DNMT3A: variants seen among roughly 807,000 people sequenced by gnomAD.
DNMT3A encodes the protein DNA (cytosine-5)-methyltransferase 3A.
DNMT3A carries 267 observed loss-of-function variants against 117.6 expected under a neutral mutation model. That is an observed-to-expected ratio of 2.27 (90% confidence interval 2.05 to 2.51). DNMT3A has a LOEUF of 2.51. Among genes scored for constraint, DNMT3A ranks in the 30% most tolerant of loss-of-function variants. DNMT3A has a pLI of 0.00. For missense variants in DNMT3A, 1,029 were observed against 1,260.2 expected, an observed-to-expected ratio of 0.82 and a Z score of 2.78; for synonymous variants, 432 against 474.8, an observed-to-expected ratio of 0.91 and a Z score of 1.17.
At chr2:25,323,066 T>A (rs2034657235) in intron 1 of DNMT3A, among the ~76,000 whole-genome samples, 2 of 152,072 alleles carry the variant, frequency 1.3e-5, no homozygotes, top group African/African-American at 4.8e-5. Flanking sequence ...AAGGTTTTCG[T>A]TGTGCCTGTG....
At position 25,247,147 on chromosome 2, in the gene DNMT3A, C is replaced by T. The variant is rs1294376300; in HGVS notation, c.1026G>A (p.Glu342=). The change falls in exon 9 of 23, where the codon GAG becomes GAA. Residue 342 remains glutamate (E), a synonymous_variant. Transcript: ENST00000321117. This position sits in a 1 kb window ranked among gnomAD's most constrained non-coding sequence, Gnocchi z 5.6. ...GDGKFSVVCV[E]KLMPLSSFCS... Reference sequence around the variant, plus strand: ...AAAACGAGCTCAGCGGCATCAGCTTCTCAACACACACCTGGGGGGACAAGC... The same window carrying T: ...AAAACGAGCTCAGCGGCATCAGCTTTTCAACACACACCTGGGGGGACAAGC... The T allele has an allele frequency of 6.2e-7, 1 of 1,614,018 alleles. No homozygotes were observed. Among genetic ancestry groups the T allele is most frequent in the South Asian group, 1.1e-5 (1 of 91,046 alleles).
At chr2:25,271,297 T>C (rs919607350) in intron 6 of DNMT3A, among the ~76,000 whole-genome samples, 4 of 151,800 alleles carry the variant, frequency 2.6e-5, no homozygotes, top group African/African-American at 7.3e-5. Context: ...CAGTGAGCCA[T>C]TGCACTCCAG....
Position 25,293,402 on chromosome 2 carries a change from C to T in DNMT3A, c.177+6737G>A, listed in dbSNP as rs939510009. ...TCACGTCATATCCGCCTCCTCACAACCTTCCAGATAACACATTTTTCAGAG... is the reference window on the plus strand; with the variant it reads ...TCACGTCATATCCGCCTCCTCACAATCTTCCAGATAACACATTTTTCAGAG... On this transcript the variant is annotated intron_variant, in intron 3 of 22. Coordinates refer to ENST00000321117, the MANE Select transcript of DNMT3A (RefSeq NM_022552.5). This position sits in a 1 kb window ranked among gnomAD's most constrained non-coding sequence, Gnocchi z 4.7. Among the ~76,000 whole-genome samples, 1 of 152,228 alleles carries T rather than the reference C, an allele frequency of 6.6e-6. No individual in the cohort carries two copies. Among genetic ancestry groups the T allele is most frequent in the Admixed American group, 6.5e-5 (1 of 15,286 alleles).
rs1674509817 is a variant in DNMT3A, at chr2:25,244,598, A to T, written c.1609T>A (p.Cys537Ser). ...TCACGGCCCCCACAGCAGATGGTGC[A>T]GTAGGACTGGTAGCCGTCGTCGTCG... ...QYDDDGYQSYCTICCGGREVL... is the reference protein window; with the variant it reads ...QYDDDGYQSYSTICCGGREVL... Residue 537 changes from cysteine (C) to serine (S), a missense_variant, in exon 14 of 23, where the codon TGC becomes AGC. Transcript: ENST00000321117. The T allele has an allele frequency of 1.9e-6, 3 of 1,614,212 alleles. No homozygotes were observed. The highest frequency in any genetic ancestry group is 1.7e-6 in the Non-Finnish European group (2 of 1,180,008).
chr2:25,264,132 G>GTTTTTTTTTT lies in DNMT3A; in HGVS notation c.639+10799_639+10808dup, dbSNP rs1175186554. ...TCAGTAAAGGCTGGACAACCCTTTG[G>GTTTTTTTTTT]TTTTTTTTTTTTTTTTTTTTTTTTT... On this transcript the variant is annotated intron_variant, in intron 6 of 22. Transcript: ENST00000321117. 8.5e-4 allele frequency among the ~76,000 whole-genome samples: 63 copies of GTTTTTTTTTT among 73,752 alleles called. 9 individuals are homozygous for GTTTTTTTTTT. The highest frequency in any genetic ancestry group is 2.2e-3 in the African/African-American group (40 of 18,120). 48.4% of individuals were successfully genotyped at this position (73,752 alleles called of 152,430 possible).
At chr2:25,326,894 G>A (rs2034809264) in intron 1 of DNMT3A, among the ~76,000 whole-genome samples, 1 of 152,194 alleles carries the variant, frequency 6.6e-6, no homozygotes. Context: ...CACTCCCCTG[G>A]GAAAACGTAG....
intron 4 of DNMT3A, among the ~76,000 whole-genome samples, chr2:25,278,396 A>C (rs1021015159): frequency 1.3e-5 from 2 of 152,256 alleles, no homozygotes; most frequent in Non-Finnish European, 2.9e-5. Context: ...CACTGGCCTG[A>C]AAAGGGGCCC....
rs150277035 is a variant in DNMT3A at position 25,282,124 on chromosome 2, G to T, written c.448+317C>A. 1 of 1,143,816 alleles carries T rather than the reference G, an allele frequency of 8.7e-7. No individual in the cohort carries two copies. The highest frequency in any genetic ancestry group is 2.2e-5 in the South Asian group (1 of 44,536). The allele number at this position is 1,143,816 out of a possible 1,614,324, so 70.9% of individuals were successfully genotyped here. A position where few individuals can be genotyped will look rare whatever the true frequency, so the allele number is the denominator to read the frequency against. ...TTATCCCAGTCTAGCAATCGTTGGC[G>T]TTATGAAAGCCCGCTGTTGCCAGAT... On this transcript the variant is annotated intron_variant, in intron 4 of 22. Transcript: ENST00000321117. The surrounding 1 kb of genome is among the most constrained non-coding windows in gnomAD (Gnocchi z 5.2).
intron 6 of DNMT3A, among the ~76,000 whole-genome samples, chr2:25,251,375 G>T (rs866098607): frequency 1.3e-5 from 2 of 151,906 alleles, no homozygotes; most frequent in East Asian, 3.9e-4. Flanking sequence ...CCCCAGGGGG[G>T]CGGAGAAACC....
chr2:25,325,582 C>T (rs574906528), intron 1 of DNMT3A, among the ~76,000 whole-genome samples: 1 of 152,192 alleles, frequency 6.6e-6, no homozygotes, highest in Non-Finnish European at 1.5e-5. Flanking sequence ...GGATGCTGAC[C>T]TCGTCCTCGG....
chr2:25,284,755 A>G (rs567429140), intron 3 of DNMT3A, among the ~76,000 whole-genome samples: 1 of 151,338 alleles, frequency 6.6e-6, no homozygotes, highest in East Asian at 1.9e-4. Context: ...CTCTCCCCTA[A>G]GGTACCCATT....
chr2:25,259,828 A>G (rs1227431085), intron 6 of DNMT3A, among the ~76,000 whole-genome samples: 1 of 151,988 alleles, frequency 6.6e-6, no homozygotes, highest in Non-Finnish European at 1.5e-5. Context: ...CAAAGAGAAG[A>G]CTCCAGAGGA....
In DNMT3A at chr2:25,300,227, T is replaced by C. The variant is rs143730975; in HGVS notation, c.89A>G (p.Glu30Gly). 1.2e-6 allele frequency: 2 copies of C among 1,608,400 alleles called. No individual in the cohort carries two copies. Residue 30 changes from glutamate (E) to glycine (G), a missense_variant, in exon 3 of 23, where the codon GAG (glutamate) becomes GGG (glycine). Coordinates refer to ENST00000321117, the MANE Select transcript of DNMT3A (RefSeq NM_022552.5). ...EEDRKDGEEQ[E>G]EPRGKEERQE... The stretch of plus-strand genomic sequence containing the variant: ...GCGCTCCTCCTTGCCACGCGGCTCC[T>C]CCTGCTCCTCTCCGTCCTGCAGGCA...
At chr2:25,275,790 G>A (rs992654180) in intron 4 of DNMT3A, among the ~76,000 whole-genome samples, 3 of 152,216 alleles carry the variant, frequency 2.0e-5, no homozygotes, top group South Asian at 2.1e-4. Flanking sequence ...CCAGGCAAGA[G>A]GGAACACGAG....
chr2:25,285,846 C>T (rs897935657), intron 3 of DNMT3A, among the ~76,000 whole-genome samples: 2 of 152,190 alleles, frequency 1.3e-5, no homozygotes, highest in Non-Finnish European at 2.9e-5. Flanking sequence ...GTCATGAGCC[C>T]CAGCAGCCTG....
intron 1 of DNMT3A, among the ~76,000 whole-genome samples, chr2:25,335,904 G>A (rs1369907679): frequency 6.6e-6 from 1 of 152,154 alleles, no homozygotes; most frequent in East Asian, 1.9e-4. Context: ...CAGCCTTTAA[G>A]GGTCAGAGAG....
At chr2:25,239,317 C>G (rs1673720063) in intron 19 of DNMT3A, 102 bp from the exon 20 acceptor site, 1 of 1,011,090 alleles carries the variant, frequency 9.9e-7, no homozygotes, top group Non-Finnish European at 1.5e-6. Context: ...CCTCTTACTT[C>G]TCTCTCAGGA....
At chr2:25,251,153 C>CG (rs34583441) in intron 6 of DNMT3A, among the ~76,000 whole-genome samples, 1,780 of 58,620 alleles carry the variant, frequency 0.03, 52 homozygotes, top group South Asian at 0.058. Flanking sequence ...AAGGAAGAAG[C>CG]GGGGGGGGGG....
intron 16 of DNMT3A, among the ~76,000 whole-genome samples, chr2:25,242,480 G>A (rs1674199885): frequency 6.6e-6 from 1 of 152,108 alleles, no homozygotes; most frequent in Non-Finnish European, 1.5e-5. Context: ...AGCCTCCTGG[G>A]GTGTGACATG....
Sources: allele counts gnomAD v4.1 joint callset (sites outside exome capture counted in the v4.1 genomes callset), GRCh38; gene constraint gnomAD v4.1.1; non-coding constraint Gnocchi (gnomAD v3.1); transcripts MANE v1.5; gene names NCBI Gene and HGNC (gene_info 2026-07-23, HGNC 2026-07-21).